The following FHIT variants were observed in gnomAD, a reference collection of about 807,000 sequenced individuals.
FHIT encodes bis(5'-adenosyl)-triphosphatase.
In FHIT, 19 loss-of-function variants were observed where a neutral mutation model predicts 17.9. That is an observed-to-expected ratio of 1.06 (90% CI 0.74 to 1.56). The LOEUF is 1.56. Among genes scored for constraint, FHIT ranks in the 40% most tolerant of loss-of-function variants. The pLI is 0.00. For synonymous variants in FHIT, 81 were observed against 69.7 expected (o/e 1.16, Z -0.81); for missense variants, 248 against 189.2 (o/e 1.31, Z -1.82).
intron 4 of FHIT, among the ~76,000 whole-genome samples, chr3:60,740,256 A>T (rs2042214944): frequency 6.6e-6 from 1 of 152,158 alleles, no homozygotes; most frequent in South Asian, 2.1e-4. Context: ...GCCAAAAGAG[A>T]GAGCTCTGGA....
intron 2 of FHIT, among the ~76,000 whole-genome samples, chr3:61,161,957 AC>A (rs2037708706): frequency 6.6e-6 from 1 of 152,188 alleles, no homozygotes; most frequent in African/African-American, 2.4e-5. Context: ...AAGAGAAAAA[AC>A]GGGATGATTT....
At chr3:60,609,618 C>T (rs2038720951) in intron 4 of FHIT, among the ~76,000 whole-genome samples, 1 of 152,142 alleles carries the variant, frequency 6.6e-6, no homozygotes, top group Non-Finnish European at 1.5e-5. Context: ...AGCCACCGCG[C>T]CCAGCCCTTA....
intron 8 of FHIT, among the ~76,000 whole-genome samples, chr3:59,823,089 G>T (rs1223563902): frequency 6.6e-6 from 1 of 152,088 alleles, no homozygotes; most frequent in Non-Finnish European, 1.5e-5. Flanking sequence ...TGTTTGCTTT[G>T]TTGAAGATCA....
chr3:60,867,793 G>A (rs1456101379), intron 3 of FHIT, among the ~76,000 whole-genome samples: 4 of 152,160 alleles, frequency 2.6e-5, no homozygotes, highest in African/African-American at 9.7e-5. Flanking sequence ...GGGTCTATCT[G>A]AATGACTACA....
intron 5 of FHIT, among the ~76,000 whole-genome samples, chr3:60,226,472 CAAAA>C (rs1189100387): frequency 7.1e-5 from 5 of 70,134 alleles, no homozygotes; most frequent in African/African-American, 2.3e-4. Context: ...AACTCCGTCT[CAAAA>C]AAAAAAAAAA....
intron 3 of FHIT, among the ~76,000 whole-genome samples, chr3:60,835,249 A>G (rs1702494815): frequency 2.2e-4 from 1 of 4,596 alleles, no homozygotes; most frequent in South Asian, 0.25. Flanking sequence ...AATGTCATCT[A>G]TATATGAAAA....
rs970837373 is a variant in FHIT at position 60,210,425 on chromosome 3, A to T, written c.104-196273T>A. Among the ~76,000 whole-genome samples, 71 of 152,300 alleles carry T rather than the reference A, an allele frequency of 4.7e-4. 1 individual carries two copies. Among genetic ancestry groups the T allele is most frequent in the African/African-American group, 1.7e-3 (70 of 41,582 alleles). ...TTTCTAACAATTATTTAAAATCCCA[A>T]AGTAATAAGGAAAAACATGGATACC... is the stretch of plus-strand genomic sequence containing the variant. On this transcript the variant is annotated intron_variant, in intron 5 of 9. Transcript: ENST00000492590.
intron 5 of FHIT, among the ~76,000 whole-genome samples, chr3:60,322,602 T>C (rs1308946484): frequency 1.3e-5 from 2 of 152,212 alleles, no homozygotes; most frequent in East Asian, 1.9e-4. Flanking sequence ...ACAACTGATA[T>C]GATGTGTTAT....
intron 5 of FHIT, among the ~76,000 whole-genome samples, chr3:60,204,378 T>A (rs1703060591): frequency 6.6e-6 from 1 of 151,520 alleles, no homozygotes; most frequent in Non-Finnish European, 1.5e-5. Flanking sequence ...CAAGCGATCC[T>A]CCCACCTCAG....
Position 60,011,887 on chromosome 3 carries a change from C to T in FHIT, c.250-487G>A, listed in dbSNP as rs145689011. On this transcript the variant is annotated intron_variant, in intron 6 of 9. Transcript: ENST00000492590. The stretch of plus-strand genomic sequence containing the variant: ...CTTGTGGGAGACAAATGGTAGTGTT[C>T]ATTGTAGCTGGACCCTTTTCCCAAA... Among the ~76,000 whole-genome samples the T allele has an allele frequency of 3.7e-4, 56 of 152,274 alleles. 1 individual carries two copies. The East Asian group carries it at 0.011, about 29-fold the overall frequency.
intron 3 of FHIT, among the ~76,000 whole-genome samples, chr3:61,010,200 C>CA (rs533032458): frequency 1.7e-3 from 226 of 136,756 alleles, no homozygotes; most frequent in Middle Eastern, 7.8e-3. Flanking sequence ...ACTTGATTAC[C>CA]AAAAAAAAAA....
intron 5 of FHIT, among the ~76,000 whole-genome samples, chr3:60,253,702 G>A (rs1032471495): frequency 6.6e-6 from 1 of 152,180 alleles, no homozygotes; most frequent in Non-Finnish European, 1.5e-5. Context: ...AACAAGGAAG[G>A]AAGGAAGTCA....
At chr3:60,674,510 T>C (rs528224843) in intron 4 of FHIT, among the ~76,000 whole-genome samples, 2 of 152,366 alleles carry the variant, frequency 1.3e-5, no homozygotes, top group East Asian at 3.9e-4. Flanking sequence ...TGCATTATAT[T>C]GTCTTCCTTA....
rs180943112 is a variant in FHIT, at chr3:61,189,521, T to A, written c.-164+11096A>T. 1.4e-4 allele frequency among the ~76,000 whole-genome samples: 22 copies of A among 152,294 alleles called. No individual in the cohort carries two copies. In the East Asian group the frequency reaches 3.9e-3, roughly 27 times the overall value. ...TGGCCATACTGCCCAAGGTAATTTG[T>A]AGATTCAATGCCATCCCCATCAAGC... On this transcript the variant is annotated intron_variant, in intron 2 of 9. Coordinates refer to ENST00000492590, the MANE Select transcript of FHIT (RefSeq NM_002012.4).
intron 8 of FHIT, among the ~76,000 whole-genome samples, chr3:59,770,323 T>G (rs1702019122): frequency 6.6e-6 from 1 of 152,182 alleles, no homozygotes; most frequent in African/African-American, 2.4e-5. Flanking sequence ...GAATGTAACT[T>G]GGTTTGGAAA....
intron 2 of FHIT, among the ~76,000 whole-genome samples, chr3:61,180,683 AG>A (rs2038313557): frequency 6.6e-6 from 1 of 152,236 alleles, no homozygotes; most frequent in African/African-American, 2.4e-5. Context: ...AAGTTGATTC[AG>A]TCACAAAAAA....
chr3:60,149,756 G>A (rs1700379940), intron 5 of FHIT, among the ~76,000 whole-genome samples: 1 of 151,820 alleles, frequency 6.6e-6, no homozygotes, highest in African/African-American at 2.4e-5. Flanking sequence ...AAGCTAAGAG[G>A]CACATCTTAC....
At chr3:59,795,752 A>G (rs1396975703) in intron 8 of FHIT, among the ~76,000 whole-genome samples, 1 of 152,186 alleles carries the variant, frequency 6.6e-6, no homozygotes, top group African/African-American at 2.4e-5. Context: ...CAATTAATAA[A>G]TAAAAAGTAA....
chr3:61,195,432 T>TA (rs1282340923), intron 2 of FHIT, among the ~76,000 whole-genome samples: 1 of 152,162 alleles, frequency 6.6e-6, no homozygotes, highest in East Asian at 1.9e-4. Flanking sequence ...TTGCTGATGG[T>TA]AGTGGTGGTG....
Sources: allele counts gnomAD v4.1 joint callset (sites outside exome capture counted in the v4.1 genomes callset), GRCh38; gene constraint gnomAD v4.1.1; transcripts MANE v1.5; gene names NCBI Gene and HGNC (gene_info 2026-07-23, HGNC 2026-07-21).